METTL4: variants seen among roughly 807,000 people sequenced by gnomAD.
The protein encoded by METTL4 is N(6)-adenine-specific methyltransferase METTL4.
In METTL4, 40 loss-of-function variants were observed where a neutral mutation model predicts 54.0. The observed-to-expected ratio is 0.74, with a 90% CI of 0.58 to 0.96. The LOEUF is 0.96. METTL4 is among the 50% of genes least tolerant of loss of function. The pLI is 0.00. For synonymous variants in METTL4, 169 were observed against 183.8 expected (o/e 0.92, Z 0.65); for missense variants, 525 against 549.0 (o/e 0.96, Z 0.44).
intron 5 of METTL4, among the ~76,000 whole-genome samples, chr18:2,551,209 C>T (rs2072155414): frequency 6.7e-6 from 1 of 149,374 alleles, no homozygotes; most frequent in South Asian, 2.1e-4. Context: ...ATGTTGATTA[C>T]CTATTTTGAT....
chr18:2,539,808 T>C (rs1217705938), intron 8 of METTL4: 4 of 938,250 alleles, frequency 4.3e-6, no homozygotes, highest in Non-Finnish European at 5.0e-6. Flanking sequence ...ATATAACCCA[T>C]ACATGAAAAA....
chr18:2,544,647 T>TA lies in METTL4; in HGVS notation c.1181+5_1181+6insT. ...GTATACAATTTTGAAAAATCACCTT[T>TA]CCTACCTCAATGGTAGAGCAGTTTT... On this transcript the variant is annotated splice_donor_region_variant and intron_variant, in intron 7 of 8. Transcript: ENST00000574538. 1 of 1,569,756 alleles carries TA rather than the reference T, an allele frequency of 6.4e-7. No individual in the cohort carries two copies. Among genetic ancestry groups the TA allele is most frequent in the Non-Finnish European group, 8.7e-7 (1 of 1,147,294 alleles).
chr18:2,548,183 A>G (rs1006550675), intron 5 of METTL4, among the ~76,000 whole-genome samples: 5 of 152,140 alleles, frequency 3.3e-5, no homozygotes, highest in African/African-American at 1.2e-4. Flanking sequence ...TTGTAAAACA[A>G]AATCTATAAT....
intron 6 of METTL4, among the ~76,000 whole-genome samples, chr18:2,546,360 ATCTC>A (rs1004312574): frequency 1.3e-4 from 20 of 152,190 alleles, no homozygotes; most frequent in Admixed American, 6.5e-4. Flanking sequence ...GTTATTGTTT[ATCTC>A]TCTATTTATA....
Position 2,544,236 on chromosome 18 carries a change from C to G in METTL4, c.1232G>C (p.Ser411Thr), listed in dbSNP as rs770206309. The change falls in exon 8 of 9, where the codon AGC becomes ACC. Residue 411 changes from serine to threonine, a missense_variant. Transcript: ENST00000574538. Reference sequence around the variant, plus strand: ...ATGTGAGTGAAGAGTACAGGGCACGCTGACAATTAATTTGTGGTCTGGAAT... The same window carrying G: ...ATGTGAGTGAAGAGTACAGGGCACGGTGACAATTAATTTGTGGTCTGGAAT... ...LPIPDHKLIVSVPCTLHSHKP... is the reference protein window; with the variant it reads ...LPIPDHKLIVTVPCTLHSHKP... 2.5e-6 allele frequency: 4 copies of G among 1,613,446 alleles called. No homozygotes were observed. The African/African-American group carries it at 5.3e-5, about 22-fold the overall frequency.
At chr18:2,544,598 T>C in intron 7 of METTL4, 55 bp downstream of exon 7, 2 of 1,147,190 alleles carry the variant, frequency 1.7e-6, no homozygotes, top group East Asian at 2.4e-5. Context: ...CTAATCATTT[T>C]TAAAAGCGTA....
At chr18:2,544,994 T>C (rs1182038780) in intron 6 of METTL4, among the ~76,000 whole-genome samples, 1 of 152,162 alleles carries the variant, frequency 6.6e-6, no homozygotes, top group Non-Finnish European at 1.5e-5. Flanking sequence ...TGAAATACTG[T>C]CATTTCAATA....
intron 3 of METTL4, among the ~76,000 whole-genome samples, chr18:2,555,749 A>T (rs531612945): frequency 1.1e-3 from 167 of 152,108 alleles, no homozygotes; most frequent in Admixed American, 2.6e-3. Context: ...GATCAGATTT[A>T]CCCTTTCATC....
chr18:2,539,134 C>T lies in METTL4; in HGVS notation c.1285G>A (p.Asp429Asn), dbSNP rs750436704. 6.2e-7 allele frequency: 1 copy of T among 1,611,538 alleles called. No homozygotes were observed. The highest frequency in any genetic ancestry group is 1.1e-5 in the South Asian group (1 of 90,632). ...TATTCCCCATCTGGCTTGATGTAGT[C>T]TTTTAAAACCTCTGTTTAAAAAAGA... Reference protein sequence around the residue: ...HKPPLAEVLKDYIKPDGEYLE... With the variant: ...HKPPLAEVLKNYIKPDGEYLE... Residue 429 changes from aspartate (D) to asparagine (N), a missense_variant, in exon 9 of 9, where the codon GAC becomes AAC. Asp to Asn is a conservative substitution (Grantham distance 23). Transcript: ENST00000574538.
intron 3 of METTL4, among the ~76,000 whole-genome samples, chr18:2,560,798 G>A (rs2072305574): frequency 6.6e-6 from 1 of 152,128 alleles, no homozygotes; most frequent in Admixed American, 6.5e-5. Context: ...AGAATGGCAT[G>A]AACCCAGGAG....
intron 1 of METTL4, among the ~76,000 whole-genome samples, chr18:2,570,890 G>A (rs979268092): frequency 3.3e-5 from 5 of 152,144 alleles, no homozygotes; most frequent in African/African-American, 4.8e-5. Context: ...TCACAGCAGC[G>A]AGGAAATCCT....
intron 8 of METTL4, chr18:2,539,961 ATAAC>A: frequency 1.1e-5 from 11 of 974,702 alleles, no homozygotes; most frequent in Non-Finnish European, 1.3e-5. Flanking sequence ...TAACATTTAA[ATAAC>A]TAGCCCCCTT....
Position 2,555,047 on chromosome 18 carries a change from G to GA in METTL4, c.460-10dup. The GA allele has an allele frequency of 6.2e-7, 1 of 1,607,222 alleles. No individual in the cohort carries two copies. Among genetic ancestry groups the GA allele is most frequent in the South Asian group, 1.1e-5 (1 of 89,578 alleles). ...AAAATCAGCTCCCTGATCTGTAAGA[G>GA]AATTTTAAGTACATTAAAAGAACGT... On this transcript the variant is annotated splice_polypyrimidine_tract_variant and intron_variant, in intron 3 of 8. Transcript: ENST00000574538.
intron 3 of METTL4, among the ~76,000 whole-genome samples, chr18:2,558,785 AAAAC>A (rs1325530977): frequency 1.3e-5 from 2 of 152,158 alleles, no homozygotes; most frequent in African/African-American, 2.4e-5. Flanking sequence ...AACAAGAAAA[AAAAC>A]AAACAGCCCA....
At chr18:2,558,946 A>C (rs1243660962) in intron 3 of METTL4, among the ~76,000 whole-genome samples, 2 of 152,210 alleles carry the variant, frequency 1.3e-5, no homozygotes, top group African/African-American at 2.4e-5. Context: ...ACCTACTAGG[A>C]TAGCTATTAT....
At chr18:2,552,165 C>T (rs919850200) in intron 5 of METTL4, among the ~76,000 whole-genome samples, 3 of 148,866 alleles carry the variant, frequency 2.0e-5, no homozygotes, top group African/African-American at 7.6e-5. Context: ...TGCACTCCAG[C>T]CTGGTAACGG....
chr18:2,556,102 C>G (rs1225128397), intron 3 of METTL4, among the ~76,000 whole-genome samples: 2 of 152,034 alleles, frequency 1.3e-5, no homozygotes, highest in African/African-American at 4.8e-5. Flanking sequence ...AGAATTCCAG[C>G]CGAGTCACGA....
rs771761169 is a variant in METTL4 at position 2,563,778 on chromosome 18, A to G, written c.459+19T>C. 1 of 1,556,928 alleles carries G rather than the reference A, an allele frequency of 6.4e-7. No individual in the cohort carries two copies. Among genetic ancestry groups the G allele is most frequent in the Admixed American group, 1.9e-5 (1 of 53,408 alleles). ...TCACATTAATCTTCCAATGTGATCA[A>G]TGAACATTTTACACTTACCTTTGTA... On this transcript the variant is annotated intron_variant, in intron 3 of 8. Transcript: ENST00000574538.
chr18:2,565,684 T>C (rs2072399431), intron 2 of METTL4, among the ~76,000 whole-genome samples: 2 of 152,200 alleles, frequency 1.3e-5, no homozygotes, highest in South Asian at 4.1e-4. Context: ...AGGGATTATG[T>C]TTATCTTGTT....
Sources: allele counts gnomAD v4.1 joint callset (sites outside exome capture counted in the v4.1 genomes callset), GRCh38; gene constraint gnomAD v4.1.1; transcripts MANE v1.5; gene names NCBI Gene and HGNC (gene_info 2026-07-23, HGNC 2026-07-21).